The following GLYR1 variants were observed in gnomAD, a reference collection of about 807,000 sequenced individuals.
GLYR1 encodes the protein cytokine-like nuclear factor N-PAC.
Under a neutral mutation model 72.7 loss-of-function variants are expected in GLYR1, and 21 were observed. The observed-to-expected ratio is 0.29, with a 90% CI of 0.20 to 0.42. The LOEUF is 0.42. Ranked by LOEUF, GLYR1 falls within the 10% of genes least tolerant of loss-of-function variation. The pLI is 1.00. For synonymous variants in GLYR1, 392 were observed against 270.2 expected, an observed-to-expected ratio of 1.45 and a Z score of -4.42; for missense variants, 594 against 712.1, an observed-to-expected ratio of 0.83 and a Z score of 1.89.
At chr16:4,820,726 G>GT (rs1269000305) in intron 9 of GLYR1, among the ~76,000 whole-genome samples, 1 of 152,210 alleles carries the variant, frequency 6.6e-6, no homozygotes, top group East Asian at 1.9e-4. Flanking sequence ...TCCAGAGAAC[G>GT]TGTTTTCCTA....
At chr16:4,845,378 G>C (rs17631213) in intron 2 of GLYR1, among the ~76,000 whole-genome samples, 11,350 of 152,148 alleles carry the variant, frequency 0.075, 421 homozygotes, top group Non-Finnish European at 0.085. Flanking sequence ...TATTCTAGAA[G>C]TTCCCAATAT....
chr16:4,824,411 A>G (rs957483654), intron 5 of GLYR1, among the ~76,000 whole-genome samples: 2 of 151,658 alleles, frequency 1.3e-5, no homozygotes, highest in Non-Finnish European at 2.9e-5. Context: ...GAGGCAGAAG[A>G]ATCGCTTGAA....
At chr16:4,808,274 GA>G (rs533363005) in intron 15 of GLYR1, among the ~76,000 whole-genome samples, 297 of 147,602 alleles carry the variant, frequency 2.0e-3, no homozygotes, top group Non-Finnish European at 3.4e-3. Flanking sequence ...CAGGAACAGA[GA>G]ATTATACTAT....
chr16:4,821,675 AG>A, intron 7 of GLYR1, 78 bp from the exon 8 acceptor site: 1 of 1,355,108 alleles, frequency 7.4e-7, no homozygotes, highest in Non-Finnish European at 1.1e-6. Flanking sequence ...CTCAAAGGTT[AG>A]ACCCAAAGTG....
At chr16:4,846,740 G>A (rs2086126800) in intron 1 of GLYR1, 2 of 223,638 alleles carry the variant, frequency 8.9e-6, no homozygotes, top group Non-Finnish European at 1.8e-5. Flanking sequence ...TCCCCCCGCC[G>A]TTTCTTCGCG....
chr16:4,828,526 T>A (rs532899205), intron 5 of GLYR1, among the ~76,000 whole-genome samples: 2 of 152,164 alleles, frequency 1.3e-5, no homozygotes, highest in East Asian at 3.9e-4. Flanking sequence ...GCTACACTAC[T>A]CCCCAGATTA....
intron 6 of GLYR1, 59 bp from the exon 7 acceptor site, chr16:4,822,990 C>T (rs1249157875): frequency 1.4e-6 from 2 of 1,417,990 alleles, no homozygotes; most frequent in African/African-American, 2.8e-5. Flanking sequence ...TCACTTCCTT[C>T]TCCCTGGTAA....
At chr16:4,843,637 AT>A (rs781121949) in intron 3 of GLYR1, 3 of 1,288,958 alleles carry the variant, frequency 2.3e-6, no homozygotes, top group Admixed American at 4.6e-5. Flanking sequence ...CATCTGACAT[AT>A]AAACTCCTGG....
chr16:4,846,874 T>G, intron 1 of GLYR1: 7 of 332,462 alleles, frequency 2.1e-5, no homozygotes, highest in Admixed American at 5.2e-5. Context: ...TCCCCGGCGC[T>G]TCTGCTTTCT....
intron 5 of GLYR1, among the ~76,000 whole-genome samples, chr16:4,825,472 T>C (rs1200729842): frequency 6.6e-6 from 1 of 152,222 alleles, no homozygotes; most frequent in African/African-American, 2.4e-5. Context: ...TGTCACCTTA[T>C]CAGAGTGGCT....
chr16:4,819,529 A>C (rs936311293), intron 9 of GLYR1, among the ~76,000 whole-genome samples: 5 of 152,068 alleles, frequency 3.3e-5, no homozygotes, highest in Non-Finnish European at 7.4e-5. Context: ...TAGGCTGGTC[A>C]TGAACTCCTG....
chr16:4,837,932 AAAATAAATAAATAAATAAAT>A (rs59357306), intron 3 of GLYR1, among the ~76,000 whole-genome samples: 10 of 142,422 alleles, frequency 7.0e-5, no homozygotes, highest in African/African-American at 2.2e-4. Context: ...TCCATCTCAA[AAAATAAATAAATAAATAAAT>A]AAATAAATAA....
chr16:4,825,013 C>T (rs1016222449), intron 5 of GLYR1, among the ~76,000 whole-genome samples: 2 of 152,140 alleles, frequency 1.3e-5, no homozygotes, highest in Non-Finnish European at 2.9e-5. Context: ...TGGCGATCTG[C>T]CCAACCCCTT....
chr16:4,830,719 A>T (rs1360707400), intron 5 of GLYR1, among the ~76,000 whole-genome samples: 1 of 152,090 alleles, frequency 6.6e-6, no homozygotes, highest in African/African-American at 2.4e-5. Flanking sequence ...TTCACTTTGA[A>T]ATTCTTCTCT....
chr16:4,840,590 T>C (rs959189041), intron 3 of GLYR1, among the ~76,000 whole-genome samples: 1 of 152,172 alleles, frequency 6.6e-6, no homozygotes, highest in African/African-American at 2.4e-5. Context: ...CTCTCTCAGT[T>C]TTCCATACTT....
At chr16:4,837,500 G>T (rs1038612966) in intron 3 of GLYR1, among the ~76,000 whole-genome samples, 7 of 151,930 alleles carry the variant, frequency 4.6e-5, no homozygotes, top group Non-Finnish European at 1.0e-4. Context: ...GACTAATCTT[G>T]AACGCTGTCA....
intron 5 of GLYR1, among the ~76,000 whole-genome samples, chr16:4,824,498 C>CAAAAAAAAAAA (rs142627380): frequency 1.1e-5 from 1 of 95,150 alleles, no homozygotes; most frequent in Admixed American, 1.1e-4. Flanking sequence ...GACTCCATCT[C>CAAAAAAAAAAA]AAAAAAAAAA....
chr16:4,834,460 G>A (rs2085002929), intron 3 of GLYR1, among the ~76,000 whole-genome samples: 1 of 150,510 alleles, frequency 6.6e-6, no homozygotes, highest in Admixed American at 6.6e-5. Context: ...CACCACACCT[G>A]GCCTTTTTTT....
Position 4,812,094 on chromosome 16 carries a change from A to G in GLYR1, c.1274T>C (p.Phe425Ser). The G allele has an allele frequency of 6.2e-7, 1 of 1,613,646 alleles. No individual in the cohort carries two copies. Among genetic ancestry groups the G allele is most frequent in the Non-Finnish European group, 8.5e-7 (1 of 1,179,766 alleles). The stretch of plus-strand genomic sequence containing the variant: ...AGGTGCAGGCGTGTTACCTAGGAAG[A>G]AGGAGGTCTTCCCCATCGCCTGGAA... ...SCFQAMGKTS[F>S]FLGEVGNAAK... Residue 425 changes from phenylalanine to serine, a missense_variant, in exon 13 of 16, where the codon TTC (phenylalanine) becomes TCC (serine). By Grantham distance (155) the Phe-to-Ser change is radical (BLOSUM62 -2). Around this residue, in one of 5 missense-constraint regions of GLYR1, gnomAD observed 266 missense variants for 358.4 expected, o/e 0.74. Transcript: ENST00000321919.
Sources: gnomAD v4.1 joint callset for allele counts (sites outside exome capture counted in the v4.1 genomes callset) on GRCh38, gnomAD v4.1.1 for gene constraint, gnomAD v4.1.1 regional missense constraint, MANE v1.5 for transcripts, NCBI Gene and HGNC (gene_info 2026-07-23, HGNC 2026-07-21) for gene names.